SP140: variants seen among roughly 807,000 people sequenced by gnomAD.
The protein encoded by SP140 is nuclear body protein SP140.
Under a neutral mutation model 125.0 loss-of-function variants are expected in SP140, and 81 were observed. That is an observed-to-expected ratio of 0.65 (90% CI 0.54 to 0.78). The LOEUF is 0.78. SP140 is among the 30% of genes least tolerant of loss of function. The pLI is 0.00. For missense variants in SP140, 858 were observed against 1,037.0 expected, an observed-to-expected ratio of 0.83 and a Z score of 2.37; for synonymous variants, 312 against 354.0, an observed-to-expected ratio of 0.88 and a Z score of 1.33.
intron 9 of SP140, 108 bp from the exon 10 acceptor site, chr2:230,250,873 G>A: frequency 8.1e-7 from 1 of 1,230,428 alleles, no homozygotes; most frequent in Admixed American, 2.0e-5. Flanking sequence ...CTACAGGCCA[G>A]GAGGGCCTGG....
chr2:230,293,490 C>G lies in SP140; in HGVS notation c.1968+702C>G, dbSNP rs375848341. ...TAGCTGGAACTACGGTTGTGCACCA[C>G]CATGCCAGGCTAATTTTTGTATTTT... On this transcript the variant is annotated intron_variant, in intron 20 of 26. Transcript: ENST00000392045. 3.3e-5 allele frequency among the ~76,000 whole-genome samples: 5 copies of G among 152,250 alleles called. No homozygotes were observed. The East Asian group carries it at 9.7e-4, about 29-fold the overall frequency.
intron 17 of SP140, among the ~76,000 whole-genome samples, chr2:230,286,371 T>A (rs1419795660): frequency 6.6e-6 from 1 of 152,180 alleles, no homozygotes; most frequent in Non-Finnish European, 1.5e-5. Flanking sequence ...TAGTTGGGGG[T>A]GACATGGTCA....
chr2:230,251,098 A>T (rs368792742), intron 10 of SP140, 37 bp downstream of exon 10: 17 of 1,560,320 alleles, frequency 1.1e-5, no homozygotes, highest in Non-Finnish European at 1.5e-5. Flanking sequence ...TGGGCTGCAG[A>T]GTGTCAGGAG....
chr2:230,297,998 G>A (rs745611209), intron 22 of SP140, among the ~76,000 whole-genome samples: 14 of 152,228 alleles, frequency 9.2e-5, no homozygotes, highest in Non-Finnish European at 1.3e-4. Context: ...TACAAGGCAA[G>A]GGGTCCTTTA....
intron 12 of SP140, among the ~76,000 whole-genome samples, chr2:230,255,955 G>A (rs1342212428): frequency 3.3e-5 from 5 of 152,270 alleles, no homozygotes; most frequent in African/African-American, 9.6e-5. Context: ...AAGAAATAAA[G>A]GTCAGAAATA....
At chr2:230,272,631 C>A (rs1575140805) in intron 15 of SP140, among the ~76,000 whole-genome samples, 2 of 152,246 alleles carry the variant, frequency 1.3e-5, no homozygotes, top group South Asian at 4.1e-4. Flanking sequence ...AACTGTAAGT[C>A]CATTAAACTC....
chr2:230,276,180 T>C (rs1401847183), intron 15 of SP140, among the ~76,000 whole-genome samples: 2 of 152,132 alleles, frequency 1.3e-5, no homozygotes, highest in East Asian at 1.9e-4. Context: ...CGGCCTTTTA[T>C]TGGAAGAAGA....
At chr2:230,255,269 A>G (rs1339731205) in intron 11 of SP140, among the ~76,000 whole-genome samples, 183 bp from the exon 12 acceptor site, 3 of 152,210 alleles carry the variant, frequency 2.0e-5, no homozygotes, top group Non-Finnish European at 4.4e-5. Context: ...CCTTGGTGGC[A>G]GCAACTGGAG....
rs200563150 is a variant in SP140 at position 230,216,859 on chromosome 2, G to A, written c.-91+2785G>A. The A allele has an allele frequency of 1.1e-4, 177 of 1,613,868 alleles. No homozygotes were observed. Among genetic ancestry groups the A allele is most frequent in the Non-Finnish European group, 1.4e-4 (166 of 1,179,892 alleles). The stretch of plus-strand genomic sequence containing the variant: ...GAAATGGCTTGTGTATGGCATAGGC[G>A]ATCCCCAGCTTCTGGTGCATGAAGT... On this transcript the variant is annotated intron_variant, in intron 3 of 4. Coordinates refer to the SP140 transcript ENST00000456542.
At chr2:230,245,209 C>A in intron 6 of SP140, 129 bp downstream of exon 6, 1 of 627,152 alleles carries the variant, frequency 1.6e-6, no homozygotes, top group African/African-American at 1.8e-5. Context: ...TTGTTTTCCC[C>A]AGGTGTGTGG....
chr2:230,288,688 C>A (rs150730664), intron 18 of SP140, among the ~76,000 whole-genome samples: 62 of 152,082 alleles, frequency 4.1e-4, no homozygotes, highest in African/African-American at 1.5e-3. Flanking sequence ...CCTTATTGTT[C>A]GACTTCCACT....
At chr2:230,189,901 C>T in the SP140 span, among the ~76,000 whole-genome samples, 1 of 152,290 alleles carries the variant, frequency 6.6e-6, no homozygotes, top group Admixed American at 6.5e-5. Context: ...GCATAGTGTT[C>T]CATGATGTAT....
intron 15 of SP140, among the ~76,000 whole-genome samples, chr2:230,279,064 A>G (rs1002439438): frequency 6.6e-6 from 1 of 152,140 alleles, no homozygotes; most frequent in African/African-American, 2.4e-5. Context: ...TAAGAAAACA[A>G]TCCCATTTAC....
chr2:230,261,158 C>T (rs112593926), intron 12 of SP140, among the ~76,000 whole-genome samples: 2 of 152,058 alleles, frequency 1.3e-5, no homozygotes, highest in African/African-American at 4.8e-5. Context: ...CTTTCGACTC[C>T]CTGGTTAGGT....
At chr2:230,254,140 A>T (rs1420527414) in intron 11 of SP140, among the ~76,000 whole-genome samples, 1 of 152,226 alleles carries the variant, frequency 6.6e-6, no homozygotes, top group Non-Finnish European at 1.5e-5. Flanking sequence ...AATACAAATG[A>T]CAACAATGTT....
intron 12 of SP140, among the ~76,000 whole-genome samples, chr2:230,265,101 G>C (rs114076517): frequency 0.091 from 13,780 of 151,980 alleles, 832 homozygotes; most frequent in East Asian, 0.12. Context: ...GAGGGGCTAG[G>C]CATGTCTGAG....
chr2:230,298,587 G>A (rs990707969), intron 22 of SP140, among the ~76,000 whole-genome samples: 1 of 152,116 alleles, frequency 6.6e-6, no homozygotes, highest in African/African-American at 2.4e-5. Context: ...GGGAGAAGAG[G>A]GAAACAGTTC....
chr2:230,292,675 G>C lies in SP140; in HGVS notation c.1855G>C (p.Asp619His). The part of the protein sequence containing the change: ...GILVKCIQTE[D>H]GKWFTPTEFE... ...CTTGGTGAAGTGTATACAGACTGAGGATGGAAAATGGTTCACCCCCACGGA... is the reference window on the plus strand; with the variant it reads ...CTTGGTGAAGTGTATACAGACTGAGCATGGAAAATGGTTCACCCCCACGGA... Residue 619 changes from aspartate (D) to histidine (H), a missense_variant, in exon 20 of 27, where the codon GAT becomes CAT. Physicochemically the swap from Asp to His is moderately conservative, Grantham distance 81. Transcript: ENST00000392045. The C allele has an allele frequency of 6.2e-7, 1 of 1,614,180 alleles. No individual in the cohort carries two copies. The highest frequency in any genetic ancestry group is 8.5e-7 in the Non-Finnish European group (1 of 1,180,022).
upstream of SP140, chr2:230,202,752 A>G (rs201760589): frequency 6.2e-7 from 1 of 1,613,886 alleles, no homozygotes; most frequent in Non-Finnish European, 8.5e-7. Flanking sequence ...TGACTTGTTA[A>G]TAGTTTAAAT....
Sources: allele counts gnomAD v4.1 joint callset (sites outside exome capture counted in the v4.1 genomes callset), GRCh38; gene constraint gnomAD v4.1.1; transcripts MANE v1.5; gene names NCBI Gene and HGNC (gene_info 2026-07-23, HGNC 2026-07-21).